The following CACHD1 variants were observed in gnomAD, a reference collection of about 807,000 sequenced individuals.
CACHD1 encodes the protein cache domain containing 1.
In CACHD1, 71 loss-of-function variants were observed where a neutral mutation model predicts 138.7. The ratio of observed to expected loss-of-function variants is 0.51; its 90% CI spans 0.42 to 0.62. CACHD1 has a LOEUF of 0.62. CACHD1 is among the 20% of genes least tolerant of loss of function. CACHD1 has a pLI of 0.00. For synonymous variants in CACHD1, 578 were observed against 591.5 expected (o/e 0.98, Z 0.33); for missense variants, 1,389 against 1,625.3 (o/e 0.85, Z 2.50).
intron 1 of CACHD1, among the ~76,000 whole-genome samples, chr1:64,500,096 G>A (rs953393896): frequency 3.3e-5 from 5 of 152,178 alleles, no homozygotes; most frequent in African/African-American, 7.2e-5. Context: ...AAACTGTGAC[G>A]TTAAGATTTG....
intron 8 of CACHD1, among the ~76,000 whole-genome samples, chr1:64,645,088 C>T (rs1422625524): frequency 6.6e-6 from 1 of 152,020 alleles, no homozygotes; most frequent in Admixed American, 6.6e-5. Context: ...TAGAGTGATA[C>T]TCTGTCTCAA....
At chr1:64,676,238 T>A (rs1649987651) in intron 21 of CACHD1, among the ~76,000 whole-genome samples, 1 of 152,050 alleles carries the variant, frequency 6.6e-6, no homozygotes, top group Non-Finnish European at 1.5e-5. Context: ...CAAAAAAATG[T>A]GAGAATGTTT....
At chr1:64,636,450 G>A (rs1324178449) in intron 7 of CACHD1, among the ~76,000 whole-genome samples, 1 of 152,166 alleles carries the variant, frequency 6.6e-6, no homozygotes, top group Non-Finnish European at 1.5e-5. Context: ...TCTGTTTAGG[G>A]TCTCACAGGC....
chr1:64,649,345 C>A (rs1649015190), intron 9 of CACHD1, among the ~76,000 whole-genome samples: 1 of 152,172 alleles, frequency 6.6e-6, no homozygotes, highest in African/African-American at 2.4e-5. Flanking sequence ...GGGCCACCAT[C>A]CCCAGCCTTG....
At chr1:64,657,307 A>AAAGACCTATATTG (rs2100691089) in intron 12 of CACHD1, among the ~76,000 whole-genome samples, 1 of 152,298 alleles carries the variant, frequency 6.6e-6, no homozygotes, top group Admixed American at 6.5e-5. Flanking sequence ...AACATGACAG[A>AAAGACCTATATTG]AAGACCTATA....
chr1:64,478,770 C>G (rs541145892), intron 1 of CACHD1, among the ~76,000 whole-genome samples: 3 of 152,134 alleles, frequency 2.0e-5, no homozygotes, highest in Non-Finnish European at 4.4e-5. Flanking sequence ...TGAAGTGGAC[C>G]AGGTGTAGGT....
rs1040053043 is a variant in CACHD1, at chr1:64,692,470, C to A, written c.*909C>A. 1.3e-5 allele frequency: 2 copies of A among 152,128 alleles called. No homozygotes were observed. Among genetic ancestry groups the A allele is most frequent in the African/African-American group, 4.8e-5 (2 of 41,432 alleles). The allele number at this position is 152,128 out of a possible 1,614,324, so 9.4% of individuals were successfully genotyped here. ...CTCGTACAATGCTATTCTTAGGTTTCTACGAAACCTAATGTTAGAACCGCA... is the reference window on the plus strand; with the variant it reads ...CTCGTACAATGCTATTCTTAGGTTTATACGAAACCTAATGTTAGAACCGCA... On this transcript the variant is annotated 3_prime_UTR_variant, in exon 27 of 27. Transcript: ENST00000651257.
intron 1 of CACHD1, among the ~76,000 whole-genome samples, chr1:64,529,883 C>G (rs1646568816): frequency 6.6e-6 from 1 of 152,214 alleles, no homozygotes; most frequent in African/African-American, 2.4e-5. Context: ...ATTTCCAAAT[C>G]TTAAGTCTTG....
Position 64,672,617 on chromosome 1 carries a change from C to G in CACHD1, c.2511-541C>G, listed in dbSNP as rs1436491406. ...AAACCTGTATATGTAAGGTTCAGTA[C>G]TATCATCACTTTCAGGCATCCATTG... On this transcript the variant is annotated intron_variant, in intron 17 of 26. Transcript: ENST00000651257. Among the ~76,000 whole-genome samples the G allele has an allele frequency of 2.0e-5, 3 of 152,142 alleles. No individual in the cohort carries two copies. The East Asian group carries it at 5.8e-4, about 29-fold the overall frequency.
At chr1:64,624,052 T>C (rs1648011867) in intron 4 of CACHD1, among the ~76,000 whole-genome samples, 1 of 152,170 alleles carries the variant, frequency 6.6e-6, no homozygotes, top group African/African-American at 2.4e-5. Flanking sequence ...AAGGCTCTCA[T>C]TCACCTCCAC....
chr1:64,512,642 C>T (rs1413749716), intron 1 of CACHD1, among the ~76,000 whole-genome samples: 1 of 152,134 alleles, frequency 6.6e-6, no homozygotes, highest in Non-Finnish European at 1.5e-5. Context: ...AGTTGCTGTA[C>T]CTTCCTCTTT....
intron 4 of CACHD1, among the ~76,000 whole-genome samples, chr1:64,605,225 A>C (rs1328397788): frequency 6.6e-6 from 1 of 152,082 alleles, no homozygotes; most frequent in East Asian, 1.9e-4. Flanking sequence ...TCGGCCTCCT[A>C]AAGTTCTGGG....
chr1:64,597,523 TG>T (rs376484371), intron 3 of CACHD1, among the ~76,000 whole-genome samples: 1,255 of 107,340 alleles, frequency 0.012, 33 homozygotes, highest in African/African-American at 0.038. Flanking sequence ...TTTTTTTTGT[TG>T]TTTTTTTTTT....
At chr1:64,643,414 A>C (rs1262837035) in intron 8 of CACHD1, among the ~76,000 whole-genome samples, 1 of 152,236 alleles carries the variant, frequency 6.6e-6, no homozygotes, top group Non-Finnish European at 1.5e-5. Context: ...CAAGTTACTT[A>C]ATCTCTTTAG....
chr1:64,681,350 G>C lies in CACHD1; in HGVS notation c.3484+15G>C, dbSNP rs774751111. 1.8e-5 allele frequency: 28 copies of C among 1,599,944 alleles called. 2 individuals carry two copies. The South Asian group carries it at 2.9e-4, about 16-fold the overall frequency. ...CAGAGGCATCAGTGAGTATTCAGCT[G>C]CCTTGCTGCAGAATGTGTCAGCAGG... On this transcript the variant is annotated intron_variant, in intron 25 of 26. Transcript: ENST00000651257.
At chr1:64,572,283 G>A (rs576636853) in intron 2 of CACHD1, among the ~76,000 whole-genome samples, 3 of 152,248 alleles carry the variant, frequency 2.0e-5, no homozygotes, top group Admixed American at 2.0e-4. Flanking sequence ...TTTTCCTTGT[G>A]AAGGAATAGA....
At chr1:64,657,962 A>G (rs1649320379) in intron 12 of CACHD1, among the ~76,000 whole-genome samples, 1 of 152,194 alleles carries the variant, frequency 6.6e-6, no homozygotes, top group Non-Finnish European at 1.5e-5. Flanking sequence ...TGTGGTGGAC[A>G]TTGTCCCCAC....
chr1:64,615,669 A>T (rs1285634058), intron 4 of CACHD1, among the ~76,000 whole-genome samples: 1 of 152,194 alleles, frequency 6.6e-6, no homozygotes, highest in African/African-American at 2.4e-5. Flanking sequence ...AGACTTTTGA[A>T]GGACTTCGGT....
At chr1:64,576,697 C>T (rs1349892806) in intron 2 of CACHD1, among the ~76,000 whole-genome samples, 1 of 152,100 alleles carries the variant, frequency 6.6e-6, no homozygotes, top group African/African-American at 2.4e-5. Flanking sequence ...ACAGTGTTCT[C>T]TTACTATCCT....
Sources: gnomAD v4.1 joint callset for allele counts (sites outside exome capture counted in the v4.1 genomes callset) on GRCh38, gnomAD v4.1.1 for gene constraint, MANE v1.5 for transcripts, NCBI Gene and HGNC (gene_info 2026-07-23, HGNC 2026-07-21) for gene names.